The following PTPRD variants were observed in gnomAD, a reference collection of about 807,000 sequenced individuals.
PTPRD encodes the protein receptor-type tyrosine-protein phosphatase delta.
PTPRD carries 34 observed loss-of-function variants against 214.5 expected under a neutral mutation model. The observed-to-expected ratio is 0.16, with a 90% confidence interval of 0.12 to 0.21. The LOEUF is 0.21. Among genes scored for constraint, PTPRD ranks in the 10% least tolerant of loss-of-function variants. The pLI is 1.00. For missense variants in PTPRD, 2,545 were observed against 2,398.7 expected (o/e 1.06, Z -1.27); for synonymous variants, 1,128 against 845.7 (o/e 1.33, Z -5.79).
chr9:10,457,131 G>A (rs76236261), intron 2 of PTPRD, among the ~76,000 whole-genome samples: 5,374 of 151,692 alleles, frequency 0.035, 323 homozygotes, highest in African/African-American at 0.12. Flanking sequence ...ACTTCCTGAC[G>A]TGCACATATC....
At chr9:9,639,804 T>C (rs557907733) in intron 7 of PTPRD, among the ~76,000 whole-genome samples, 19 of 152,318 alleles carry the variant, frequency 1.2e-4, no homozygotes, top group African/African-American at 4.3e-4. Flanking sequence ...TAAATCTCTG[T>C]TGACTTTGCT....
intron 36 of PTPRD, among the ~76,000 whole-genome samples, chr9:8,401,556 AG>A (rs1193761501): frequency 5.9e-5 from 9 of 152,136 alleles, no homozygotes; most frequent in Non-Finnish European, 1.3e-4. Flanking sequence ...CATTTTTCCT[AG>A]CCTAAATAAA....
chr9:10,130,326 T>A (rs1218554683), intron 3 of PTPRD, among the ~76,000 whole-genome samples: 1 of 152,108 alleles, frequency 6.6e-6, no homozygotes, highest in Non-Finnish European at 1.5e-5. Context: ...TAACATACCA[T>A]TTTTTTCTGT....
chr9:10,382,108 C>T (rs1462940826), intron 2 of PTPRD, among the ~76,000 whole-genome samples: 1 of 151,926 alleles, frequency 6.6e-6, no homozygotes, highest in African/African-American at 2.4e-5. Flanking sequence ...AAAACTGGTA[C>T]TTATTTGGTA....
chr9:9,031,806 C>T (rs1458220832), intron 10 of PTPRD, among the ~76,000 whole-genome samples: 11 of 151,816 alleles, frequency 7.2e-5, no homozygotes, highest in Admixed American at 7.2e-4. Flanking sequence ...ACAAAAAATG[C>T]CTCATAGGAT....
intron 33 of PTPRD, among the ~76,000 whole-genome samples, chr9:8,452,258 CA>C (rs2095988914): frequency 6.6e-6 from 1 of 152,176 alleles, no homozygotes; most frequent in Admixed American, 6.5e-5. Flanking sequence ...TCGATGATCA[CA>C]ACATGGATAA....
Position 10,004,080 on chromosome 9 carries a change from A to C in PTPRD, c.-472+29638T>G, listed in dbSNP as rs925012315. Among the ~76,000 whole-genome samples, 11 of 152,060 alleles carry C rather than the reference A, an allele frequency of 7.2e-5. 1 individual carries two copies. Among genetic ancestry groups the C allele is most frequent in the Admixed American group, 6.6e-4 (10 of 15,260 alleles). On this transcript the variant is annotated intron_variant, in intron 4 of 45. Coordinates refer to ENST00000381196, the MANE Select transcript of PTPRD (RefSeq NM_002839.4). ...TTAATGGGTATTTATGGAGGAACTA[A>C]TATTCATCAAATATTATACTCAGCA... is the stretch of plus-strand genomic sequence containing the variant.
At chr9:9,740,515 G>T (rs985726275) in intron 6 of PTPRD, among the ~76,000 whole-genome samples, 1 of 106,312 alleles carries the variant, frequency 9.4e-6, no homozygotes, top group Non-Finnish European at 1.7e-5. Context: ...CCGCCACCAC[G>T]CCCGGCTAAT....
At chr9:9,501,261 T>C (rs1482003130) in intron 8 of PTPRD, among the ~76,000 whole-genome samples, 1 of 151,904 alleles carries the variant, frequency 6.6e-6, no homozygotes, top group East Asian at 1.9e-4. Flanking sequence ...CTTAACAAGT[T>C]ACACCTTAAA....
At chr9:8,332,956 G>GGTAAGTGAGGTTCTA (rs1564011798) in intron 43 of PTPRD, among the ~76,000 whole-genome samples, 5 of 151,982 alleles carry the variant, frequency 3.3e-5, no homozygotes, top group Admixed American at 6.6e-5. Context: ...CCAAGGTTCT[G>GGTAAGTGAGGTTCTA]GGTAAGTGAA....
chr9:8,604,110 A>G (rs1372150432), intron 14 of PTPRD, among the ~76,000 whole-genome samples: 1 of 152,176 alleles, frequency 6.6e-6, no homozygotes, highest in African/African-American at 2.4e-5. Flanking sequence ...ACAATCTACT[A>G]TGTGCCCAGT....
intron 7 of PTPRD, among the ~76,000 whole-genome samples, chr9:9,670,471 G>A (rs953090455): frequency 2.6e-5 from 4 of 152,180 alleles, no homozygotes; most frequent in Non-Finnish European, 5.9e-5. Context: ...ATTCACACAA[G>A]TAACAAGGAA....
intron 5 of PTPRD, chr9:9,803,695 AT>A (rs1010543475): frequency 2.6e-5 from 4 of 151,920 alleles, no homozygotes; most frequent in Non-Finnish European, 5.9e-5. Context: ...TTATAAATGC[AT>A]TTTTTTCTCT....
chr9:9,074,654 A>C (rs554737186), intron 10 of PTPRD, among the ~76,000 whole-genome samples: 2 of 152,002 alleles, frequency 1.3e-5, no homozygotes, highest in Non-Finnish European at 2.9e-5. Flanking sequence ...TGCCATTTGT[A>C]TGTCTTCTTT....
chr9:9,837,326 C>T (rs974626390), intron 5 of PTPRD, among the ~76,000 whole-genome samples: 4 of 152,098 alleles, frequency 2.6e-5, no homozygotes, highest in East Asian at 3.9e-4. Flanking sequence ...GAGATAGTTA[C>T]AATATCTAAC....
intron 11 of PTPRD, among the ~76,000 whole-genome samples, chr9:8,855,225 G>A (rs996047755): frequency 6.6e-6 from 1 of 151,830 alleles, no homozygotes; most frequent in African/African-American, 2.4e-5. Flanking sequence ...GCCCCTAGTG[G>A]CTTAGCAAAT....
chr9:8,626,557 G>T (rs1399532087), intron 14 of PTPRD, among the ~76,000 whole-genome samples: 1 of 151,812 alleles, frequency 6.6e-6, no homozygotes, highest in African/African-American at 2.4e-5. Context: ...TACTGTCAGG[G>T]TGTTTTTGGA....
rs992667940 is a variant in PTPRD, at chr9:10,344,999, T to C, written c.-599-3982A>G. Among the ~76,000 whole-genome samples, 67 of 152,252 alleles carry C rather than the reference T, an allele frequency of 4.4e-4. 1 individual carries two copies. The highest frequency in any genetic ancestry group is 1.6e-3 in the African/African-American group (65 of 41,550). ...TCCTATTATACTATAATAATGTAAT[T>C]TTATCTTTCTGAGCATTAAATCCTT... On this transcript the variant is annotated intron_variant, in intron 2 of 45. Transcript: ENST00000381196.
chr9:9,127,303 T>C (rs1453396498), intron 10 of PTPRD, among the ~76,000 whole-genome samples: 1 of 152,174 alleles, frequency 6.6e-6, no homozygotes, highest in Non-Finnish European at 1.5e-5. Context: ...AATGTTATAA[T>C]GAAACAACGT....
Sources: gnomAD v4.1 joint callset for allele counts (sites outside exome capture counted in the v4.1 genomes callset) on GRCh38, gnomAD v4.1.1 for gene constraint, MANE v1.5 for transcripts, NCBI Gene and HGNC (gene_info 2026-07-23, HGNC 2026-07-21) for gene names.